The following WDFY4 variants were observed in gnomAD, a reference collection of about 807,000 sequenced individuals.
WDFY4 encodes the protein WD repeat- and FYVE domain-containing protein 4.
In WDFY4, 169 loss-of-function variants were observed where a neutral mutation model predicts 351.9. That is an observed-to-expected ratio of 0.48 (90% confidence interval 0.42 to 0.55). The LOEUF (loss-of-function observed/expected upper bound fraction) is 0.55. WDFY4 is among the 20% of genes least tolerant of loss of function. WDFY4 has a pLI of 0.00. For synonymous variants in WDFY4, 1,622 were observed against 1,574.6 expected (o/e 1.03, Z -0.71); for missense variants, 3,803 against 3,935.6 (o/e 0.97, Z 0.90).
chr10:48,743,502 A>G lies in WDFY4; in HGVS notation c.2413A>G (p.Ser805Gly). 2 of 1,541,650 alleles carry G rather than the reference A, an allele frequency of 1.3e-6. No homozygotes were observed. The highest frequency in any genetic ancestry group is 1.4e-5 in the African/African-American group (1 of 73,130). The change falls in exon 12 of 62, where the codon AGT becomes GGT. Residue 805 changes from serine (S) to glycine (G), a missense_variant. By Grantham distance (56) the Ser-to-Gly change is moderately conservative. Around this residue, in one of 3 missense-constraint regions of WDFY4, gnomAD observed 3,054 missense variants for 3,148.6 expected, o/e 0.97. Coordinates refer to ENST00000325239, the MANE Select transcript of WDFY4 (RefSeq NM_001394531.1). ...VVDVQKGETG[S>G]DPQRNFKQWP... is the part of the protein sequence containing the mutation. The stretch of plus-strand genomic sequence containing the variant: ...GGATGTTCAGAAGGGAGAAACTGGC[A>G]GTGACCCCCAACGCAACTTCAAGCA...
At chr10:48,877,333 T>A in intron 43 of WDFY4, 134 bp downstream of exon 43, 2 of 869,102 alleles carry the variant, frequency 2.3e-6, no homozygotes, top group African/African-American at 1.7e-5. Context: ...TTCAACACAA[T>A]AATCAGTGAA....
Position 48,812,199 on chromosome 10 carries a change from G to GT in WDFY4, c.5214+500dup, listed in dbSNP as rs5784778. Among the ~76,000 whole-genome samples, 443 of 137,296 alleles carry GT rather than the reference G, an allele frequency of 3.2e-3. 5 individuals carry two copies. Among genetic ancestry groups the GT allele is most frequent in the Middle Eastern group, 7.2e-3 (2 of 276 alleles). 90.1% of individuals were successfully genotyped at this position (137,296 alleles called of 152,430 possible). A position where few individuals can be genotyped will look rare whatever the true frequency, so the allele number is the denominator to read the frequency against. Reference sequence around the variant, plus strand: ...CTTTTCTTTTTTTTTTGTTTTTTTTGTTTTTTTTTGAGACAGAGTCTTACT... The same window carrying GT: ...CTTTTCTTTTTTTTTTGTTTTTTTTGTTTTTTTTTTGAGACAGAGTCTTACT... On this transcript the variant is annotated intron_variant, in intron 30 of 61. Transcript: ENST00000325239.
At chr10:48,943,902 T>G (rs1840912571) in intron 49 of WDFY4, among the ~76,000 whole-genome samples, 1 of 152,164 alleles carries the variant, frequency 6.6e-6, no homozygotes, top group Non-Finnish European at 1.5e-5. Context: ...GCCTCAGATC[T>G]CTTAACCCCA....
rs1226279694 is a variant in WDFY4, at chr10:48,774,525, G to T, written c.2621G>T (p.Arg874Leu). The T allele has an allele frequency of 6.4e-7, 1 of 1,551,710 alleles. No individual in the cohort carries two copies. Among genetic ancestry groups the T allele is most frequent in the South Asian group, 1.2e-5 (1 of 84,064 alleles). ...TCCCTGGTGAAGTCGGAGAAGAACC[G>T]CCAGGTCATGTGCGAAGCAGGCTTG... Reference protein sequence around the residue: ...IQSLVKSEKNRQVMCEAGLLG... With the variant: ...IQSLVKSEKNLQVMCEAGLLG... The change falls in exon 14 of 62, where the codon CGC becomes CTC. Residue 874 changes from arginine to leucine, a missense_variant. Around this residue, in one of 3 missense-constraint regions of WDFY4, gnomAD observed 3,054 missense variants for 3,148.6 expected, o/e 0.97. Coordinates refer to ENST00000325239, the MANE Select transcript of WDFY4 (RefSeq NM_001394531.1).
At chr10:48,852,971 G>A (rs2069008541) in intron 39 of WDFY4, among the ~76,000 whole-genome samples, 1 of 152,154 alleles carries the variant, frequency 6.6e-6, no homozygotes, top group African/African-American at 2.4e-5. Flanking sequence ...TCACTCGTCT[G>A]AAATGATTCT....
intron 39 of WDFY4, among the ~76,000 whole-genome samples, chr10:48,866,804 T>C (rs1397919699): frequency 6.6e-6 from 1 of 152,238 alleles, no homozygotes. Flanking sequence ...GTGACGCCTG[T>C]ATTTATATGA....
At chr10:48,702,713 T>C (rs4255465) in intron 1 of WDFY4, among the ~76,000 whole-genome samples, 127,820 of 152,156 alleles carry the variant, frequency 0.84, 54,614 homozygotes, top group East Asian at 0.92. Context: ...CATGTATAGG[T>C]TTTTGTAGGA....
At chr10:48,830,633 A>G in intron 37 of WDFY4, 67 bp from the exon 38 acceptor site, 1 of 1,491,966 alleles carries the variant, frequency 6.7e-7, no homozygotes, top group South Asian at 1.3e-5. Flanking sequence ...ATGATGCACC[A>G]TCTCCCAGCC....
chr10:48,930,505 A>G (rs1203455051), intron 47 of WDFY4, among the ~76,000 whole-genome samples: 1 of 152,172 alleles, frequency 6.6e-6, no homozygotes, highest in East Asian at 1.9e-4. Context: ...GGTTAGGCCA[A>G]GGGGAGAAGG....
At chr10:48,733,383 A>C (rs2064535482) in intron 9 of WDFY4, among the ~76,000 whole-genome samples, 2 of 152,178 alleles carry the variant, frequency 1.3e-5, no homozygotes, top group Non-Finnish European at 2.9e-5. Context: ...TGGGGATTCA[A>C]GGTGAATAAA....
chr10:48,798,289 A>T (rs2066940696), intron 24 of WDFY4, among the ~76,000 whole-genome samples: 1 of 152,164 alleles, frequency 6.6e-6, no homozygotes, highest in Non-Finnish European at 1.5e-5. Context: ...GGAAGGAAAC[A>T]TATAAATGAG....
At position 48,817,219 on chromosome 10, in the gene WDFY4, A is replaced by G. The variant is rs182740631; in HGVS notation, c.5341-26A>G. The G allele has an allele frequency of 1.4e-4, 217 of 1,550,434 alleles. 3 individuals carry two copies. In the African/African-American group the frequency reaches 2.0e-3, roughly 14 times the overall value. ...GGCAGCGCCCATCATGCTGCCCTGC[A>G]CTACCTCTCACCAAGTGTGCCTCAG... is the stretch of plus-strand genomic sequence containing the variant. On this transcript the variant is annotated intron_variant, in intron 31 of 61. Transcript: ENST00000325239.
At chr10:48,931,667 T>C (rs1462888759) in intron 47 of WDFY4, among the ~76,000 whole-genome samples, 1 of 152,210 alleles carries the variant, frequency 6.6e-6, no homozygotes, top group Non-Finnish European at 1.5e-5. Flanking sequence ...ATTGCTTGCA[T>C]GGAAGGCCCT....
chr10:48,934,689 G>A (rs754381462), intron 47 of WDFY4, among the ~76,000 whole-genome samples: 16 of 152,172 alleles, frequency 1.1e-4, no homozygotes, highest in Non-Finnish European at 8.8e-5. Flanking sequence ...TACAGTAAGC[G>A]GTAATCAGGT....
intron 12 of WDFY4, among the ~76,000 whole-genome samples, chr10:48,744,615 C>T (rs893620954): frequency 1.3e-5 from 2 of 152,182 alleles, no homozygotes; most frequent in South Asian, 4.1e-4. Context: ...ATGAGTTGGA[C>T]AGTGCTTCTC....
rs2065244667 is a variant in WDFY4, at chr10:48,753,495, T to G, written c.2460-6852T>G. ...GTGTTTTCTCCTAAAAATTTTGTTT[T>G]GGCTCTTATTGTAGATAATTAATTC... On this transcript the variant is annotated intron_variant, in intron 12 of 61. Transcript: ENST00000325239. 2.0e-5 allele frequency among the ~76,000 whole-genome samples: 3 copies of G among 152,232 alleles called. No individual in the cohort carries two copies. The South Asian group carries it at 6.2e-4, about 32-fold the overall frequency.
At chr10:48,768,175 G>C (rs1056010645) in intron 13 of WDFY4, among the ~76,000 whole-genome samples, 1 of 152,188 alleles carries the variant, frequency 6.6e-6, no homozygotes, top group South Asian at 2.1e-4. Flanking sequence ...GGGCTTCTCA[G>C]ATCAGCTGTA....
At chr10:48,799,525 C>T (rs1439670045) in intron 24 of WDFY4, among the ~76,000 whole-genome samples, 2 of 152,098 alleles carry the variant, frequency 1.3e-5, no homozygotes, top group African/African-American at 4.8e-5. Context: ...GGCTGTAATC[C>T]CAGCACGAAG....
chr10:48,824,415 A>G (rs1342522871), intron 35 of WDFY4, among the ~76,000 whole-genome samples: 1 of 152,256 alleles, frequency 6.6e-6, no homozygotes, highest in Non-Finnish European at 1.5e-5. Flanking sequence ...TTTAAATTAG[A>G]TACTACTAAT....
Sources: gnomAD v4.1 joint callset for allele counts (sites outside exome capture counted in the v4.1 genomes callset) on GRCh38, gnomAD v4.1.1 for gene constraint, gnomAD v4.1.1 regional missense constraint, MANE v1.5 for transcripts, NCBI Gene and HGNC (gene_info 2026-07-23, HGNC 2026-07-21) for gene names.